Variants in ANKS1B observed in about 807,000 individuals in gnomAD.
ANKS1B encodes the protein ankyrin repeat and sterile alpha motif domain containing 1B, also known as ankyrin repeat and sterile alpha motif domain-containing protein 1B.
A neutral mutation model predicts 148.3 loss-of-function variants in ANKS1B; 36 were observed. That is an observed-to-expected ratio of 0.24 (90% CI 0.19 to 0.32). The LOEUF (loss-of-function observed/expected upper bound fraction) is 0.32. ANKS1B is among the 10% of genes least tolerant of loss of function. The pLI is 1.00. For missense variants in ANKS1B, 1,157 were observed against 1,542.6 expected (o/e 0.75, Z 4.19); for synonymous variants, 542 against 560.8 (o/e 0.97, Z 0.47).
Position 99,246,847 on chromosome 12 carries a change from C to T in ANKS1B, c.1774G>A (p.Asp592Asn). 6.3e-7 allele frequency: 1 copy of T among 1,594,738 alleles called. No homozygotes were observed. Among genetic ancestry groups the T allele is most frequent in the African/African-American group, 1.3e-5 (1 of 74,384 alleles). The change falls in exon 13 of 27, where the codon GAT becomes AAT. Residue 592 changes from aspartate to asparagine, a missense_variant. Around this residue, in one of 6 missense-constraint regions of ANKS1B, gnomAD observed 661 missense variants for 642.1 expected, o/e 1.03. Coordinates refer to ENST00000683438, the MANE Select transcript of ANKS1B (RefSeq NM_001352186.2). Reference sequence around the variant, plus strand: ...TATTCTTTTGGGGGATCATTGTCATCCTGTCGGGAGAGGTCATCTGCAAAA... The same window carrying T: ...TATTCTTTTGGGGGATCATTGTCATTCTGTCGGGAGAGGTCATCTGCAAAA... The part of the protein sequence containing the change: ...TNHTDDLSRQ[D>N]DNDPPKEYDP...
intron 1 of ANKS1B, among the ~76,000 whole-genome samples, chr12:99,828,112 CAG>C (rs1332039772): frequency 6.6e-6 from 1 of 152,120 alleles, no homozygotes; most frequent in Non-Finnish European, 1.5e-5. Context: ...ATTAAATACT[CAG>C]AAACAAAAGG....
At chr12:99,387,460 CA>C (rs1424866744) in intron 12 of ANKS1B, among the ~76,000 whole-genome samples, 1 of 152,046 alleles carries the variant, frequency 6.6e-6, no homozygotes, top group African/African-American at 2.4e-5. Flanking sequence ...TACTAAAATA[CA>C]AAAAATTAGC....
chr12:98,745,375 C>CTCTT lies in ANKS1B; in HGVS notation c.*363_*364insAAGA, dbSNP rs1358559114. 2.6e-3 allele frequency: 2,386 copies of CTCTT among 912,776 alleles called. 1 individual carries two copies. Among genetic ancestry groups the CTCTT allele is most frequent in the African/African-American group, 0.012 (519 of 41,830 alleles). The allele number at this position is 912,776 out of a possible 1,614,324, so 56.5% of individuals were successfully genotyped here. On this transcript the variant is annotated 3_prime_UTR_variant, in exon 27 of 27. Coordinates refer to ENST00000683438, the MANE Select transcript of ANKS1B (RefSeq NM_001352186.2). ...TAGGCAGTATTAGAGATCCCCTTTA[C>CTCTT]TTTTTTTTTTTTTTTTTTTTTTTTA...
intron 15 of ANKS1B, among the ~76,000 whole-genome samples, chr12:99,149,817 C>T (rs1328008227): frequency 6.6e-6 from 1 of 152,084 alleles, no homozygotes; most frequent in East Asian, 1.9e-4. Flanking sequence ...CTATTATCTA[C>T]TGTAATTTGC....
intron 11 of ANKS1B, among the ~76,000 whole-genome samples, chr12:99,425,042 G>A (rs994286835): frequency 6.6e-6 from 1 of 151,858 alleles, no homozygotes; most frequent in African/African-American, 2.4e-5. Context: ...CTGACCACGA[G>A]GCACCCCTGG....
intron 10 of ANKS1B, among the ~76,000 whole-genome samples, chr12:99,448,019 C>T (rs2095664407): frequency 6.6e-6 from 1 of 151,998 alleles, no homozygotes; most frequent in African/African-American, 2.4e-5. Flanking sequence ...TAAATTAGTA[C>T]AGCCATTAGA....
At chr12:99,317,701 G>A (rs2084403184) in intron 12 of ANKS1B, among the ~76,000 whole-genome samples, 2 of 152,206 alleles carry the variant, frequency 1.3e-5, no homozygotes, top group African/African-American at 4.8e-5. Context: ...CCAACACTAT[G>A]TTGAATAGGA....
intron 12 of ANKS1B, among the ~76,000 whole-genome samples, chr12:99,389,369 T>A (rs2093981098): frequency 6.6e-6 from 1 of 152,138 alleles, no homozygotes; most frequent in Non-Finnish European, 1.5e-5. Context: ...AGATAGAAGA[T>A]CTGAATAGAG....
At chr12:98,747,244 A>T (rs2097915375) in intron 26 of ANKS1B, among the ~76,000 whole-genome samples, 1 of 152,190 alleles carries the variant, frequency 6.6e-6, no homozygotes, top group Non-Finnish European at 1.5e-5. Context: ...TAAAAAACAA[A>T]AACAAAAACA....
At chr12:99,075,493 C>T (rs2047555899) in intron 16 of ANKS1B, among the ~76,000 whole-genome samples, 1 of 152,116 alleles carries the variant, frequency 6.6e-6, no homozygotes, top group African/African-American at 2.4e-5. Context: ...GTTCATTACC[C>T]TGATCATACT....
intron 12 of ANKS1B, among the ~76,000 whole-genome samples, chr12:99,337,618 T>C (rs2089172194): frequency 6.6e-6 from 1 of 152,134 alleles, no homozygotes; most frequent in Non-Finnish European, 1.5e-5. Context: ...AGTCTAGACT[T>C]GTTTGTACCC....
At chr12:99,033,320 TGTAA>T (rs2099953461) in intron 17 of ANKS1B, among the ~76,000 whole-genome samples, 1 of 152,176 alleles carries the variant, frequency 6.6e-6, no homozygotes, top group African/African-American at 2.4e-5. Context: ...CTTTTAAGTG[TGTAA>T]GTAGTTGCAG....
chr12:99,737,602 T>C (rs866845181), intron 8 of ANKS1B, among the ~76,000 whole-genome samples: 72 of 152,060 alleles, frequency 4.7e-4, no homozygotes, highest in Admixed American at 2.4e-3. Flanking sequence ...GGACAAAATG[T>C]ATTATTGGGA....
At chr12:99,257,010 T>C (rs1001470397) in intron 12 of ANKS1B, among the ~76,000 whole-genome samples, 1 of 152,168 alleles carries the variant, frequency 6.6e-6, no homozygotes, top group Non-Finnish European at 1.5e-5. Flanking sequence ...TTTGGGAGGC[T>C]GAGACGGGTG....
chr12:99,564,444 A>G (rs11615764), intron 9 of ANKS1B, among the ~76,000 whole-genome samples: 19,018 of 151,906 alleles, frequency 0.13, 1,526 homozygotes, highest in Non-Finnish European at 0.17. Flanking sequence ...ATAAAAATAA[A>G]TGATAAAATT....
chr12:98,857,661 GAATA>G (rs138515712), intron 17 of ANKS1B, among the ~76,000 whole-genome samples: 1,695 of 152,096 alleles, frequency 0.011, 30 homozygotes, highest in African/African-American at 0.039. Flanking sequence ...ATGAATGAAT[GAATA>G]AATGAATGAA....
chr12:98,973,723 A>G (rs777164009), intron 17 of ANKS1B, among the ~76,000 whole-genome samples: 2 of 152,130 alleles, frequency 1.3e-5, no homozygotes, highest in Non-Finnish European at 2.9e-5. Context: ...GTGTTTTACT[A>G]TTATTACAGT....
At chr12:99,316,139 A>C (rs945253193) in intron 12 of ANKS1B, among the ~76,000 whole-genome samples, 12 of 152,202 alleles carry the variant, frequency 7.9e-5, no homozygotes, top group African/African-American at 2.9e-4. Flanking sequence ...ATACGTGTGC[A>C]TGTGTCTTTA....
intron 10 of ANKS1B, among the ~76,000 whole-genome samples, chr12:99,457,545 T>G (rs2095867303): frequency 6.6e-6 from 1 of 151,772 alleles, no homozygotes; most frequent in Admixed American, 6.6e-5. Flanking sequence ...ACCCAACACA[T>G]AAGGACTCAC....
Sources: gnomAD v4.1 joint callset for allele counts (sites outside exome capture counted in the v4.1 genomes callset) on GRCh38, gnomAD v4.1.1 for gene constraint, gnomAD v4.1.1 regional missense constraint, MANE v1.5 for transcripts, NCBI Gene and HGNC (gene_info 2026-07-23, HGNC 2026-07-21) for gene names.